Variants in TMEM131 observed in about 807,000 individuals in gnomAD.
TMEM131 encodes the protein 2610524E03Rik.
A neutral mutation model predicts 211.6 loss-of-function variants in TMEM131; 66 were observed. That is an observed-to-expected ratio of 0.31 (90% CI 0.26 to 0.38). The LOEUF (loss-of-function observed/expected upper bound fraction) is 0.38. TMEM131 is among the 10% of genes least tolerant of loss of function. The pLI, the probability that TMEM131 is intolerant of heterozygous loss-of-function variation, is 1.00. For synonymous variants in TMEM131, 844 were observed against 841.3 expected (o/e 1.00, Z -0.06); for missense variants, 2,036 against 2,299.3 (o/e 0.89, Z 2.34).
At chr2:97,797,237 G>T in intron 26 of TMEM131, 128 bp downstream of exon 26, 1 of 945,076 alleles carries the variant, frequency 1.1e-6, no homozygotes, top group Non-Finnish European at 1.6e-6. Context: ...GGCATGGAGT[G>T]TGTGCATGTT....
chr2:97,791,001 G>T (rs1680475555), intron 31 of TMEM131, among the ~76,000 whole-genome samples: 1 of 152,256 alleles, frequency 6.6e-6, no homozygotes, highest in South Asian at 2.1e-4. Flanking sequence ...CAAGATCCCT[G>T]TTTTCCGTAT....
chr2:97,985,986 A>G (rs1680011502), intron 1 of TMEM131, among the ~76,000 whole-genome samples: 1 of 152,118 alleles, frequency 6.6e-6, no homozygotes, highest in Admixed American at 6.5e-5. Flanking sequence ...GTATAAAAAT[A>G]ATAGAAAATA....
intron 1 of TMEM131, among the ~76,000 whole-genome samples, chr2:97,993,257 G>A (rs960205447): frequency 6.6e-6 from 1 of 152,172 alleles, no homozygotes; most frequent in Non-Finnish European, 1.5e-5. Flanking sequence ...TACTTCAATA[G>A]ACACAAAATT....
intron 31 of TMEM131, among the ~76,000 whole-genome samples, chr2:97,782,765 C>T (rs750244843): frequency 3.3e-5 from 5 of 151,512 alleles, no homozygotes; most frequent in Non-Finnish European, 7.4e-5. Flanking sequence ...TAAACAAATA[C>T]AGACAATTAG....
chr2:97,942,547 G>T (rs1677789372), intron 1 of TMEM131, among the ~76,000 whole-genome samples: 1 of 150,514 alleles, frequency 6.6e-6, no homozygotes, highest in Non-Finnish European at 1.5e-5. Context: ...AAAAAGAAAT[G>T]AACTTTCCAA....
intron 5 of TMEM131, among the ~76,000 whole-genome samples, chr2:97,845,792 G>T (rs1231788079): frequency 6.7e-6 from 1 of 149,738 alleles, no homozygotes; most frequent in Non-Finnish European, 1.5e-5. Flanking sequence ...AACCGAAGCT[G>T]GTGCCTCAAA....
At position 97,893,812 on chromosome 2, in the gene TMEM131, T is replaced by C. The variant is rs941163754; in HGVS notation, c.291-5692A>G. 2.0e-5 allele frequency among the ~76,000 whole-genome samples: 3 copies of C among 152,184 alleles called. No homozygotes were observed. In the East Asian group the frequency reaches 5.8e-4, roughly 29 times the overall value. On this transcript the variant is annotated intron_variant, in intron 3 of 40. Coordinates refer to ENST00000186436, the MANE Select transcript of TMEM131 (RefSeq NM_015348.2). ...TGTCAGATAGATTGCAAGAATTTTC[T>C]CCCATTCTGTAGGCTGCCTGTTCAC...
intron 1 of TMEM131, among the ~76,000 whole-genome samples, chr2:97,951,723 G>A (rs1454230415): frequency 6.6e-6 from 1 of 151,942 alleles, no homozygotes; most frequent in Non-Finnish European, 1.5e-5. Context: ...ACACCACACC[G>A]CCCCAACACA....
At chr2:97,760,267 G>A (rs1678754853) in intron 38 of TMEM131, 2 of 317,956 alleles carry the variant, frequency 6.3e-6, no homozygotes, top group Non-Finnish European at 1.2e-5. Flanking sequence ...AGTCACTTTC[G>A]CTCTTCTATT....
At chr2:97,835,994 A>G (rs1682923951) in intron 8 of TMEM131, among the ~76,000 whole-genome samples, 1 of 152,222 alleles carries the variant, frequency 6.6e-6, no homozygotes, top group South Asian at 2.1e-4. Context: ...GTTTCACAGG[A>G]AGTTCTTAGT....
At chr2:97,811,347 A>G in intron 17 of TMEM131, 115 bp from the exon 18 acceptor site, 1 of 733,300 alleles carries the variant, frequency 1.4e-6, no homozygotes, top group South Asian at 1.5e-5. Flanking sequence ...ATATACCAGT[A>G]TGACACTGAA....
chr2:97,917,670 A>AT (rs1676563000), intron 2 of TMEM131, among the ~76,000 whole-genome samples: 1 of 152,222 alleles, frequency 6.6e-6, no homozygotes, highest in African/African-American at 2.4e-5. Context: ...GGCAGCAGCA[A>AT]GAAGTGCTGA....
At chr2:97,781,282 G>A (rs969821166) in intron 31 of TMEM131, among the ~76,000 whole-genome samples, 1 of 152,226 alleles carries the variant, frequency 6.6e-6, no homozygotes, top group Non-Finnish European at 1.5e-5. Flanking sequence ...GGCTGCACAA[G>A]TCAGTGTTTA....
chr2:97,777,861 C>A (rs184812521), intron 31 of TMEM131, among the ~76,000 whole-genome samples: 32 of 152,244 alleles, frequency 2.1e-4, no homozygotes, highest in Admixed American at 1.2e-3. Flanking sequence ...CCAAACCAAA[C>A]CAACAAAAAA....
At chr2:97,974,497 AAGCTCAACAAACCCTG>A (rs1265276577) in intron 1 of TMEM131, among the ~76,000 whole-genome samples, 3 of 152,206 alleles carry the variant, frequency 2.0e-5, no homozygotes, top group Non-Finnish European at 4.4e-5. Context: ...GAGATCCAAG[AAGCTCAACAAACCCTG>A]AGCTCAACAA....
At chr2:97,766,906 TAGAA>T (rs1409908207) in intron 33 of TMEM131, among the ~76,000 whole-genome samples, 2 of 152,158 alleles carry the variant, frequency 1.3e-5, no homozygotes, top group Non-Finnish European at 2.9e-5. Flanking sequence ...AGATAAGGCA[TAGAA>T]AGAAAGCCCT....
At chr2:97,976,737 G>A (rs1679552522) in intron 1 of TMEM131, among the ~76,000 whole-genome samples, 1 of 152,108 alleles carries the variant, frequency 6.6e-6, no homozygotes. Context: ...AACTGACACT[G>A]TTTCGGTAAC....
At chr2:97,793,102 T>G in intron 30 of TMEM131, 118 bp from the exon 31 acceptor site, 1 of 770,404 alleles carries the variant, frequency 1.3e-6, no homozygotes, top group South Asian at 2.1e-5. Flanking sequence ...AGGGAAAAAA[T>G]AGCAAGAAAT....
At chr2:97,968,814 G>C (rs1679169970) in intron 1 of TMEM131, among the ~76,000 whole-genome samples, 1 of 152,160 alleles carries the variant, frequency 6.6e-6, no homozygotes, top group Admixed American at 6.5e-5. Context: ...CAGGCGCACT[G>C]GTTCTTGCCT....
Sources: gnomAD v4.1 joint callset for allele counts (sites outside exome capture counted in the v4.1 genomes callset) on GRCh38, gnomAD v4.1.1 for gene constraint, MANE v1.5 for transcripts, NCBI Gene and HGNC (gene_info 2026-07-23, HGNC 2026-07-21) for gene names.